ANKRD13C: variants seen among roughly 807,000 people sequenced by gnomAD.
The protein encoded by ANKRD13C is ankyrin repeat domain 13C, also known as ankyrin repeat domain-containing protein 13C.
ANKRD13C carries 16 observed loss-of-function variants against 65.5 expected under a neutral mutation model. The ratio of observed to expected loss-of-function variants is 0.24; its 90% CI spans 0.17 to 0.37. The LOEUF is 0.37. Among genes scored for constraint, ANKRD13C ranks in the 10% least tolerant of loss-of-function variants. ANKRD13C has a pLI of 1.00. For missense variants in ANKRD13C, 503 were observed against 655.9 expected (o/e 0.77, Z 2.55); for synonymous variants, 235 against 238.7 (o/e 0.98, Z 0.14).
intron 3 of ANKRD13C, among the ~76,000 whole-genome samples, chr1:70,318,774 T>C (rs1224087739): frequency 6.6e-6 from 1 of 150,500 alleles, no homozygotes; most frequent in Admixed American, 6.7e-5. Flanking sequence ...CCTCTGCCTC[T>C]TGGGTTCAAG....
chr1:70,290,454 T>C (rs562621374), intron 9 of ANKRD13C, among the ~76,000 whole-genome samples: 1 of 152,294 alleles, frequency 6.6e-6, no homozygotes, highest in East Asian at 1.9e-4. Flanking sequence ...CATATGCATG[T>C]TTATACAACA....
At chr1:70,268,748 T>C (rs1678744042) in intron 12 of ANKRD13C, among the ~76,000 whole-genome samples, 1 of 152,192 alleles carries the variant, frequency 6.6e-6, no homozygotes, top group African/African-American at 2.4e-5. Context: ...GGGTCAAATT[T>C]AGTCTTTGAG....
Position 70,344,883 on chromosome 1 carries a change from CGT to C in ANKRD13C, c.431-8786_431-8785del, listed in dbSNP as rs1558315539. On this transcript the variant is annotated intron_variant, in intron 1 of 12. Coordinates refer to ENST00000370944, the MANE Select transcript of ANKRD13C (RefSeq NM_030816.5). The stretch of plus-strand genomic sequence containing the variant: ...AATTTTAGAACTATAATACTCACTA[CGT>C]GTTAATATAAAATTTCTTATGAAAA... 6.6e-5 allele frequency among the ~76,000 whole-genome samples: 10 copies of C among 151,938 alleles called. 1 individual carries two copies. The South Asian group carries it at 1.9e-3, about 28-fold the overall frequency.
At chr1:70,268,814 G>T (rs1678746708) in intron 12 of ANKRD13C, among the ~76,000 whole-genome samples, 1 of 152,072 alleles carries the variant, frequency 6.6e-6, no homozygotes, top group African/African-American at 2.4e-5. Flanking sequence ...AGCACTTAAA[G>T]CTCTGGCTGA....
intron 12 of ANKRD13C, among the ~76,000 whole-genome samples, chr1:70,268,055 T>G (rs554327749): frequency 2.8e-4 from 43 of 152,256 alleles, no homozygotes; most frequent in African/African-American, 8.7e-4. Flanking sequence ...TGTTGTTGTT[T>G]TTTGTTTGAT....
At chr1:70,317,254 G>T (rs868031673) in intron 3 of ANKRD13C, among the ~76,000 whole-genome samples, 1 of 152,062 alleles carries the variant, frequency 6.6e-6, no homozygotes, top group Non-Finnish European at 1.5e-5. Flanking sequence ...CACAGAAATC[G>T]GAATGCAGGA....
intron 9 of ANKRD13C, among the ~76,000 whole-genome samples, chr1:70,286,659 G>T (rs999931569): frequency 1.3e-5 from 2 of 152,110 alleles, no homozygotes; most frequent in African/African-American, 4.8e-5. Context: ...GATGACATAA[G>T]CATTTGTAGA....
At chr1:70,321,892 T>C (rs1376903052) in intron 3 of ANKRD13C, among the ~76,000 whole-genome samples, 1 of 152,178 alleles carries the variant, frequency 6.6e-6, no homozygotes, top group Non-Finnish European at 1.5e-5. Context: ...GACACAAAAA[T>C]AGGTCACAAA....
intron 7 of ANKRD13C, among the ~76,000 whole-genome samples, chr1:70,297,287 ATTTTT>A (rs748635051): frequency 0.012 from 1,221 of 98,784 alleles, 11 homozygotes; most frequent in Middle Eastern, 0.02. Context: ...TCCCTTTCTG[ATTTTT>A]TTTTTTTTTT....
intron 9 of ANKRD13C, among the ~76,000 whole-genome samples, chr1:70,288,869 G>C (rs912273880): frequency 3.3e-5 from 5 of 152,138 alleles, no homozygotes; most frequent in Non-Finnish European, 5.9e-5. Context: ...ACCTTGGTAA[G>C]ACGTTACCAC....
chr1:70,290,579 A>G (rs1679820228), intron 9 of ANKRD13C, among the ~76,000 whole-genome samples: 1 of 148,868 alleles, frequency 6.7e-6, no homozygotes, highest in Non-Finnish European at 1.5e-5. Context: ...TGTGTCACCC[A>G]GGCTGGAATG....
rs1448494624 is a variant in ANKRD13C, at chr1:70,262,793, T to A, written c.1550A>T (p.Tyr517Phe). ...TATVTFQEFR[Y>F]DEFDGSIFTI... ...AAAGATGGAGCCATCAAATTCATCG[T>A]ATCGAAACTCCTGAAAAGTCACAGT... Residue 517 changes from tyrosine (Y) to phenylalanine (F), a missense_variant, in exon 13 of 13, where the codon TAC becomes TTC. Around this residue, in one of 2 missense-constraint regions of ANKRD13C, gnomAD observed 300 missense variants for 478.3 expected, o/e 0.63. Coordinates refer to ENST00000370944, the MANE Select transcript of ANKRD13C (RefSeq NM_030816.5). 1 of 1,613,652 alleles carries A rather than the reference T, an allele frequency of 6.2e-7. No homozygotes were observed. The highest frequency in any genetic ancestry group is 8.5e-7 in the Non-Finnish European group (1 of 1,179,658).
chr1:70,335,275 A>G (rs986523062), intron 2 of ANKRD13C, among the ~76,000 whole-genome samples: 3 of 151,466 alleles, frequency 2.0e-5, no homozygotes, highest in Non-Finnish European at 2.9e-5. Flanking sequence ...GCGTGGTGGC[A>G]TGAGCCTGTA....
intron 6 of ANKRD13C, chr1:70,305,594 AATAG>A (rs1308074180): frequency 1.3e-5 from 2 of 152,140 alleles, no homozygotes; most frequent in Non-Finnish European, 2.9e-5. Context: ...ATACTTTACA[AATAG>A]ATAATTTATA....
intron 6 of ANKRD13C, among the ~76,000 whole-genome samples, chr1:70,304,384 T>C (rs1344926847): frequency 1.3e-5 from 2 of 152,086 alleles, no homozygotes; most frequent in Non-Finnish European, 2.9e-5. Context: ...TGCCTAAACC[T>C]AGGACTCAGA....
chr1:70,291,852 C>T (rs1045121466), intron 9 of ANKRD13C, among the ~76,000 whole-genome samples: 1 of 151,524 alleles, frequency 6.6e-6, no homozygotes, highest in African/African-American at 2.4e-5. Context: ...GGCACAGTGG[C>T]TCACATCTGT....
chr1:70,273,504 T>C (rs897322440), intron 11 of ANKRD13C, among the ~76,000 whole-genome samples: 3 of 152,186 alleles, frequency 2.0e-5, no homozygotes, highest in African/African-American at 4.8e-5. Flanking sequence ...ATATTCAATA[T>C]GTTTACCACA....
intron 9 of ANKRD13C, among the ~76,000 whole-genome samples, chr1:70,281,765 A>G (rs1433897233): frequency 6.6e-6 from 1 of 151,670 alleles, no homozygotes; most frequent in East Asian, 2.0e-4. Context: ...TGGGCTCTCA[A>G]ACAGAATAGG....
chr1:70,318,679 G>GTTTTT lies in ANKRD13C; in HGVS notation c.578-3118_578-3114dup, dbSNP rs11337993. ...AATCCATTCTGTTAAATCAATCTTT[G>GTTTTT]TTTTTTTTTTTTTTTTTTTTTTGAG... On this transcript the variant is annotated intron_variant, in intron 3 of 12. Transcript: ENST00000370944. Among the ~76,000 whole-genome samples, 115 of 94,216 alleles carry GTTTTT rather than the reference G, an allele frequency of 1.2e-3. 1 individual carries two copies. Among genetic ancestry groups the GTTTTT allele is most frequent in the African/African-American group, 2.3e-3 (56 of 24,336 alleles). The allele number at this position is 94,216 out of a possible 152,430, so 61.8% of individuals were successfully genotyped here.
Sources: allele counts gnomAD v4.1 joint callset (sites outside exome capture counted in the v4.1 genomes callset), GRCh38; gene constraint gnomAD v4.1.1; regional missense constraint gnomAD v4.1.1; transcripts MANE v1.5; gene names NCBI Gene and HGNC (gene_info 2026-07-23, HGNC 2026-07-21).